Variants in ZFHX3 observed in about 807,000 individuals in gnomAD.
ZFHX3 encodes zinc finger homeobox 3.
ZFHX3 carries 42 observed loss-of-function variants against 279.1 expected under a neutral mutation model. That is an observed-to-expected ratio of 0.15 (90% CI 0.12 to 0.19). ZFHX3 has a LOEUF of 0.19. ZFHX3 is among the 10% of genes least tolerant of loss of function. ZFHX3 has a pLI of 1.00. For missense variants in ZFHX3, 4,981 were observed against 4,754.0 expected, an observed-to-expected ratio of 1.05 and a Z score of -1.40; for synonymous variants, 2,293 against 1,957.8, an observed-to-expected ratio of 1.17 and a Z score of -4.52.
At chr16:73,883,744 C>A (rs1186033081) in intron 1 of ZFHX3, among the ~76,000 whole-genome samples, 1 of 151,696 alleles carries the variant, frequency 6.6e-6, no homozygotes, top group African/African-American at 2.4e-5. Context: ...AAATAATTTG[C>A]ACATAGCTAT....
chr16:73,287,593 T>C (rs1251853446), intron 4 of ZFHX3, among the ~76,000 whole-genome samples: 1 of 136,638 alleles, frequency 7.3e-6, no homozygotes, highest in Non-Finnish European at 1.6e-5. Flanking sequence ...GGTTGGTGAG[T>C]GGCTGTGTGG....
intron 1 of ZFHX3, among the ~76,000 whole-genome samples, chr16:73,823,784 A>C (rs534430940): frequency 6.6e-6 from 1 of 152,194 alleles, no homozygotes; most frequent in Non-Finnish European, 1.5e-5. Flanking sequence ...TTTGAAATCA[A>C]TGGGACAAGA....
chr16:73,230,511 G>T (rs989548100), intron 5 of ZFHX3, among the ~76,000 whole-genome samples: 1 of 152,148 alleles, frequency 6.6e-6, no homozygotes, highest in Non-Finnish European at 1.5e-5. Flanking sequence ...GGCCCATTTG[G>T]CCTCTTTAGA....
intron 2 of ZFHX3, among the ~76,000 whole-genome samples, chr16:73,479,469 T>C (rs983575978): frequency 1.3e-5 from 2 of 152,306 alleles, no homozygotes; most frequent in South Asian, 4.1e-4. Flanking sequence ...CAGCTACTTC[T>C]GCCCTTCTGC....
intron 2 of ZFHX3, among the ~76,000 whole-genome samples, chr16:73,675,873 G>A (rs141995065): frequency 2.0e-5 from 3 of 151,900 alleles, no homozygotes; most frequent in Non-Finnish European, 4.4e-5. Flanking sequence ...AAAAAAATCA[G>A]CCTTGCCTCA....
At chr16:73,478,132 G>A (rs149307525) in intron 2 of ZFHX3, among the ~76,000 whole-genome samples, 1,538 of 152,114 alleles carry the variant, frequency 0.01, 25 homozygotes, top group African/African-American at 0.034. Context: ...CTAGCTGGGC[G>A]TGGTGGTCCT....
chr16:73,355,096 G>T (rs1275707050), intron 3 of ZFHX3, among the ~76,000 whole-genome samples: 1 of 152,182 alleles, frequency 6.6e-6, no homozygotes, highest in East Asian at 1.9e-4. Context: ...CTAGAGGTGT[G>T]TTCGGGGGAT....
intron 8 of ZFHX3, among the ~76,000 whole-genome samples, chr16:73,081,946 C>G (rs982691061): frequency 6.6e-6 from 1 of 151,314 alleles, no homozygotes; most frequent in East Asian, 2.0e-4. Flanking sequence ...AAGGGATCCT[C>G]CTGCCTCAGC....
intron 6 of ZFHX3, among the ~76,000 whole-genome samples, chr16:73,139,306 A>G (rs6499616): frequency 0.66 from 100,487 of 152,092 alleles, 33,925 homozygotes; most frequent in African/African-American, 0.8. Context: ...CAGACAGTAT[A>G]CATACTATGA....
At chr16:73,771,800 C>T (rs570343398) in intron 1 of ZFHX3, among the ~76,000 whole-genome samples, 4 of 148,598 alleles carry the variant, frequency 2.7e-5, no homozygotes, top group East Asian at 2.0e-4. Flanking sequence ...TATTTTTTCT[C>T]GCTTCACTTT....
chr16:73,265,306 TGAG>T (rs955671405), intron 4 of ZFHX3, among the ~76,000 whole-genome samples: 1 of 152,018 alleles, frequency 6.6e-6, no homozygotes, highest in African/African-American at 2.4e-5. Flanking sequence ...GCAGCAGTCA[TGAG>T]GAGGAGCCAT....
chr16:72,876,555 T>A (rs1411119759), intron 4 of ZFHX3, among the ~76,000 whole-genome samples: 1 of 152,138 alleles, frequency 6.6e-6, no homozygotes, highest in East Asian at 1.9e-4. Context: ...ATATTTATAT[T>A]ACCTCCTCTT....
At chr16:73,519,141 G>C (rs552818805) in intron 2 of ZFHX3, among the ~76,000 whole-genome samples, 2 of 152,068 alleles carry the variant, frequency 1.3e-5, no homozygotes, top group African/African-American at 4.8e-5. Context: ...CATTCTTCTT[G>C]ATCTGAAGCC....
intron 3 of ZFHX3, among the ~76,000 whole-genome samples, chr16:72,935,668 G>C (rs928595886): frequency 1.3e-5 from 2 of 151,700 alleles, no homozygotes; most frequent in East Asian, 2.0e-4. Context: ...CGGGAGGGGG[G>C]GGTTGCAGTG....
intron 3 of ZFHX3, chr16:73,420,083 C>A (rs2017687788): frequency 6.6e-6 from 1 of 151,788 alleles, no homozygotes; most frequent in Non-Finnish European, 1.5e-5. Context: ...ATTTTTTGTA[C>A]TTTTTCTAGG....
At chr16:73,036,609 T>G (rs1597120263) in intron 1 of ZFHX3, among the ~76,000 whole-genome samples, 1 of 143,964 alleles carries the variant, frequency 6.9e-6, no homozygotes, top group Non-Finnish European at 1.5e-5. Context: ...AGGTAGAGGG[T>G]AGAGGAAGAG....
chr16:73,107,789 C>T (rs944160211), intron 7 of ZFHX3, among the ~76,000 whole-genome samples: 4 of 152,138 alleles, frequency 2.6e-5, no homozygotes, highest in African/African-American at 9.7e-5. Context: ...GCCAAGGTAG[C>T]AGGGTCGCTG....
In ZFHX3 at chr16:73,835,458, C is replaced by CTTTTTTTTTTT. The variant is rs34127285; in HGVS notation, c.-1608+56182_-1608+56192dup. Among the ~76,000 whole-genome samples the CTTTTTTTTTTT allele has an allele frequency of 8.1e-5, 4 of 49,538 alleles. 1 individual carries two copies. Among genetic ancestry groups the CTTTTTTTTTTT allele is most frequent in the Non-Finnish European group, 1.2e-4 (3 of 24,402 alleles). The allele number at this position is 49,538 out of a possible 152,430, so 32.5% of individuals were successfully genotyped here. ...ACTTTCCTCCACCATCCCTCTTCTG[C>CTTTTTTTTTTT]TTTTTTTTTTTTTTTTTTTTTTTTT... On this transcript the variant is annotated intron_variant, in intron 1 of 17. Coordinates refer to the ZFHX3 transcript ENST00000641206.
rs117497876 is a variant in ZFHX3 at position 72,835,599 on chromosome 16, C to T, written c.3449-5740G>A. On this transcript the variant is annotated intron_variant, in intron 4 of 9. Transcript: ENST00000268489. The stretch of plus-strand genomic sequence containing the variant: ...ATTTTCAACCTAATTAACCCAAGGA[C>T]GACCACTGAAGCAGGTGGGAAAGGC... 4.4e-4 allele frequency among the ~76,000 whole-genome samples: 67 copies of T among 152,144 alleles called. No homozygotes were observed. The East Asian group carries it at 8.9e-3, about 20-fold the overall frequency.
Sources: allele counts gnomAD v4.1 joint callset (sites outside exome capture counted in the v4.1 genomes callset), GRCh38; gene constraint gnomAD v4.1.1; transcripts MANE v1.5; gene names NCBI Gene and HGNC (gene_info 2026-07-23, HGNC 2026-07-21).